The following SH3BGR variants were observed in gnomAD, a reference collection of about 807,000 sequenced individuals.
SH3BGR encodes the protein SH3 domain binding glutamate rich protein, also known as SH3 domain-binding glutamic acid-rich protein.
SH3BGR carries 29 observed loss-of-function variants against 24.5 expected under a neutral mutation model. The observed-to-expected ratio is 1.18, with a 90% CI of 0.88 to 1.61. SH3BGR has a LOEUF of 1.61. Among genes scored for constraint, SH3BGR ranks in the 40% most tolerant of loss-of-function variants. The pLI is 0.00. For missense variants in SH3BGR, 162 were observed against 205.8 expected (o/e 0.79, Z 1.30); for synonymous variants, 55 against 65.7 (o/e 0.84, Z 0.79).
intron 4 of SH3BGR, among the ~76,000 whole-genome samples, chr21:39,500,462 T>G (rs502747): frequency 0.97 from 147,201 of 152,186 alleles, 71,228 homozygotes; most frequent in East Asian, 1. Context: ...TCCCATGCAG[T>G]AGCAGCAGGG....
At chr21:39,503,954 C>G (rs770971187) in intron 4 of SH3BGR, among the ~76,000 whole-genome samples, 1 of 152,096 alleles carries the variant, frequency 6.6e-6, no homozygotes, top group Non-Finnish European at 1.5e-5. Flanking sequence ...AAGGAACCGG[C>G]GCCTCAGGAG....
chr21:39,497,647 GA>G (rs1187871103), intron 3 of SH3BGR, among the ~76,000 whole-genome samples: 4 of 151,376 alleles, frequency 2.6e-5, no homozygotes, highest in African/African-American at 4.9e-5. Flanking sequence ...CTACAAAAAA[GA>G]AAAAAATCAA....
intron 2 of SH3BGR, among the ~76,000 whole-genome samples, chr21:39,464,276 G>A (rs1318112830): frequency 6.6e-6 from 1 of 152,268 alleles, no homozygotes; most frequent in East Asian, 1.9e-4. Context: ...AGGCTGGAGT[G>A]CAGCAGTGCA....
In SH3BGR at chr21:39,511,562, T is replaced by C; in HGVS notation, c.436-118T>C. On this transcript the variant is annotated intron_variant, in intron 5 of 6. Transcript: ENST00000333634. This position sits in a 1 kb window ranked among gnomAD's most constrained non-coding sequence, Gnocchi z 4.2. ...TGTGTGTTGTGTGTGTTTGTTTGTG[T>C]GTTGTGTGGTGGGGTGTGGGAGGCT... 1 of 835,516 alleles carries C rather than the reference T, an allele frequency of 1.2e-6. No homozygotes were observed. Among genetic ancestry groups the C allele is most frequent in the Non-Finnish European group, 1.9e-6 (1 of 531,234 alleles). 51.8% of individuals were successfully genotyped at this position (835,516 alleles called of 1,614,324 possible).
chr21:39,501,859 C>T (rs1044086707), intron 4 of SH3BGR, among the ~76,000 whole-genome samples: 12 of 152,278 alleles, frequency 7.9e-5, no homozygotes, highest in African/African-American at 2.4e-5. Flanking sequence ...CTTGTTTTGA[C>T]GGTCTCTGGT....
intron 3 of SH3BGR, among the ~76,000 whole-genome samples, chr21:39,486,888 G>A (rs1332525560): frequency 6.6e-6 from 1 of 151,892 alleles, no homozygotes; most frequent in Non-Finnish European, 1.5e-5. Context: ...GCTAATTTTT[G>A]TATTTTCTTA....
chr21:39,479,096 T>A (rs575974751), intron 3 of SH3BGR, among the ~76,000 whole-genome samples: 25 of 152,268 alleles, frequency 1.6e-4, no homozygotes, highest in African/African-American at 5.8e-4. Context: ...GAGCTGGCAG[T>A]GGTGGGTGCA....
At chr21:39,486,120 A>G (rs1000238207) in intron 3 of SH3BGR, among the ~76,000 whole-genome samples, 14 of 152,364 alleles carry the variant, frequency 9.2e-5, no homozygotes, top group Admixed American at 8.5e-4. Flanking sequence ...AGCTCATTAC[A>G]AATAACTTCA....
chr21:39,460,221 G>A (rs2077732894), intron 1 of SH3BGR, among the ~76,000 whole-genome samples: 1 of 152,088 alleles, frequency 6.6e-6, no homozygotes, highest in African/African-American at 2.4e-5. Context: ...GGGTTGTTTT[G>A]TTGTGTGGCT....
chr21:39,463,960 A>G (rs1431364843), intron 2 of SH3BGR, among the ~76,000 whole-genome samples: 1 of 152,200 alleles, frequency 6.6e-6, no homozygotes, highest in Non-Finnish European at 1.5e-5. Context: ...ATGTGGGTGC[A>G]GGGTTGGTTC....
chr21:39,450,606 C>CAGAG (rs374113904), upstream of SH3BGR, among the ~76,000 whole-genome samples: 3 of 150,600 alleles, frequency 2.0e-5, no homozygotes, highest in African/African-American at 7.3e-5. Context: ...AGCCGGAGAA[C>CAGAG]AGAGAGAGAG....
Position 39,475,173 on chromosome 21 carries a change from T to C in SH3BGR, c.270T>C (p.Ile90=), listed in dbSNP as rs967366392. Residue 90 remains isoleucine (I), a synonymous_variant, in exon 3 of 7, where the codon ATT becomes ATC. Transcript: ENST00000333634. ...TCTTCTCTGCAAAAGAAGAGAATAT[T>C]ATTTATTCCTTCCTTGGTTTGGCTC... is the stretch of plus-strand genomic sequence containing the variant. ...DSFFSAKEEN[I]IYSFLGLAPP... 1.2e-6 allele frequency: 2 copies of C among 1,612,484 alleles called. No homozygotes were observed. The highest frequency in any genetic ancestry group is 1.7e-6 in the Non-Finnish European group (2 of 1,178,734).
At position 39,470,591 on chromosome 21, in the gene SH3BGR, A is replaced by G. The variant is rs137961356; in HGVS notation, c.232-4544A>G. ...CCAAACATTAAAAGGGCCTTTAGAC[A>G]CTTTCACCCTAATCACTCTGTTTAC... On this transcript the variant is annotated intron_variant, in intron 2 of 6. Transcript: ENST00000333634. Among the ~76,000 whole-genome samples, 307 of 152,240 alleles carry G rather than the reference A, an allele frequency of 2.0e-3. 3 individuals carry two copies. The highest frequency in any genetic ancestry group is 6.7e-3 in the African/African-American group (279 of 41,542).
intron 2 of SH3BGR, among the ~76,000 whole-genome samples, chr21:39,464,930 T>C (rs759717568): frequency 4.6e-5 from 7 of 152,074 alleles, no homozygotes; most frequent in Non-Finnish European, 8.8e-5. Context: ...CACTGAAAAA[T>C]TAAGGTGATT....
intron 4 of SH3BGR, among the ~76,000 whole-genome samples, chr21:39,505,192 G>A (rs990460440): frequency 1.3e-5 from 2 of 152,220 alleles, no homozygotes; most frequent in Admixed American, 6.5e-5. Context: ...CACAAATGCA[G>A]TCATTCAACA....
intron 4 of SH3BGR, 57 bp downstream of exon 4, chr21:39,499,972 T>C: frequency 8.0e-7 from 1 of 1,257,766 alleles, no homozygotes; most frequent in Non-Finnish European, 1.2e-6. Context: ...TCGAGACTTT[T>C]ACAGGGCTTG....
intron 2 of SH3BGR, among the ~76,000 whole-genome samples, chr21:39,463,382 T>A (rs908604792): frequency 6.6e-6 from 1 of 152,184 alleles, no homozygotes; most frequent in Non-Finnish European, 1.5e-5. Flanking sequence ...ACTTAATAAA[T>A]CAAGTCGTTG....
intron 1 of SH3BGR, among the ~76,000 whole-genome samples, chr21:39,452,368 C>T (rs1252247356): frequency 1.3e-5 from 2 of 152,112 alleles, no homozygotes; most frequent in Non-Finnish European, 2.9e-5. Flanking sequence ...AGTAAGGAGG[C>T]GTGCTTGACA....
chr21:39,462,472 G>A lies in SH3BGR; in HGVS notation c.143G>A (p.Trp48Ter). 2 of 1,608,414 alleles carry A rather than the reference G, an allele frequency of 1.2e-6. No homozygotes were observed. Among genetic ancestry groups the A allele is most frequent in the Non-Finnish European group, 1.7e-6 (2 of 1,178,670 alleles). Reference protein sequence around the residue: ...DIAGDEDNRRWMRENVPGEKK... With the variant: ...DIAGDEDNRR Reference sequence around the variant, plus strand: ...GCTGGAGATGAAGACAACAGGAGGTGGATGAGAGAGAATGTTCCTGGAGAG... The same window carrying A: ...GCTGGAGATGAAGACAACAGGAGGTAGATGAGAGAGAATGTTCCTGGAGAG... The change falls in exon 2 of 7, where the codon TGG (tryptophan) becomes TAG (stop). Residue 48 changes from tryptophan (W) to a stop codon, truncating the protein, a stop_gained. Transcript: ENST00000333634. LOFTEE classifies it high-confidence loss of function.
Sources: gnomAD v4.1 joint callset for allele counts (sites outside exome capture counted in the v4.1 genomes callset) on GRCh38, gnomAD v4.1.1 for gene constraint, Gnocchi (gnomAD v3.1) non-coding constraint, MANE v1.5 for transcripts, NCBI Gene and HGNC (gene_info 2026-07-23, HGNC 2026-07-21) for gene names.